Variants in MDGA2 observed in about 807,000 individuals in gnomAD.
The protein encoded by MDGA2 is MAM domain-containing glycosylphosphatidylinositol anchor protein 2.
A neutral mutation model predicts 117.8 loss-of-function variants in MDGA2; 40 were observed. That is an observed-to-expected ratio of 0.34 (90% CI 0.26 to 0.44). MDGA2 has a LOEUF of 0.44. MDGA2 is among the 20% of genes least tolerant of loss of function. The pLI is 1.00. For missense variants in MDGA2, 1,123 were observed against 1,250.6 expected, an observed-to-expected ratio of 0.90 and a Z score of 1.54; for synonymous variants, 452 against 439.0, an observed-to-expected ratio of 1.03 and a Z score of -0.37.
chr14:47,083,801 G>A (rs1439836651), intron 6 of MDGA2, among the ~76,000 whole-genome samples: 2 of 151,638 alleles, frequency 1.3e-5, no homozygotes, highest in Non-Finnish European at 2.9e-5. Flanking sequence ...TAGACTTTAG[G>A]GCAAAGAAAA....
At chr14:47,651,955 C>T (rs963937131) in intron 1 of MDGA2, among the ~76,000 whole-genome samples, 1 of 152,060 alleles carries the variant, frequency 6.6e-6, no homozygotes, top group African/African-American at 2.4e-5. Context: ...TTTGAGCACT[C>T]TAAGTAAAAA....
chr14:47,288,418 T>C (rs1243118305), intron 2 of MDGA2, among the ~76,000 whole-genome samples: 1 of 152,174 alleles, frequency 6.6e-6, no homozygotes, highest in Non-Finnish European at 1.5e-5. Flanking sequence ...CACGTCAATT[T>C]GATACCATAT....
intron 1 of MDGA2, among the ~76,000 whole-genome samples, chr14:47,401,048 T>C (rs1051571028): frequency 9.2e-5 from 14 of 151,626 alleles, no homozygotes; most frequent in South Asian, 2.1e-4. Context: ...TGAGCCACCG[T>C]GCCCGGCCGG....
intron 1 of MDGA2, among the ~76,000 whole-genome samples, chr14:47,353,518 A>G (rs907321031): frequency 6.6e-6 from 1 of 152,166 alleles, no homozygotes; most frequent in Admixed American, 6.5e-5. Context: ...AAATATAATC[A>G]CATTTCGAGA....
chr14:46,988,587 G>A (rs972477213), intron 8 of MDGA2, among the ~76,000 whole-genome samples: 7 of 152,044 alleles, frequency 4.6e-5, no homozygotes, highest in African/African-American at 1.7e-4. Context: ...ATGAGTGGCA[G>A]AAGGACTCAC....
At chr14:47,504,097 C>T (rs1349179997) in intron 1 of MDGA2, among the ~76,000 whole-genome samples, 7 of 151,958 alleles carry the variant, frequency 4.6e-5, no homozygotes, top group African/African-American at 1.4e-4. Context: ...TGTAATAAAA[C>T]GAATATATCT....
At chr14:47,191,975 G>A (rs892105321) in intron 3 of MDGA2, among the ~76,000 whole-genome samples, 2 of 152,140 alleles carry the variant, frequency 1.3e-5, no homozygotes, top group African/African-American at 4.8e-5. Flanking sequence ...CTGACTGCTT[G>A]CACCTTAGTG....
intron 1 of MDGA2, among the ~76,000 whole-genome samples, chr14:47,322,540 C>T (rs1890011397): frequency 6.6e-6 from 1 of 152,114 alleles, no homozygotes; most frequent in South Asian, 2.1e-4. Context: ...AAGAACAGAG[C>T]TCAATCAGAT....
rs147114881 is a variant in MDGA2, at chr14:46,960,222, A to G, written c.1820-2579T>C. On this transcript the variant is annotated intron_variant, in intron 8 of 16. Transcript: ENST00000399232. ...GGAAACAGAGCTGGACTCTGCCTCAAAAAAAAAATTATATTGTACATTATA... is the reference window on the plus strand; with the variant it reads ...GGAAACAGAGCTGGACTCTGCCTCAGAAAAAAAATTATATTGTACATTATA... 3.4e-3 allele frequency among the ~76,000 whole-genome samples: 519 copies of G among 151,600 alleles called. 4 individuals carry two copies. Among genetic ancestry groups the G allele is most frequent in the African/African-American group, 0.012 (488 of 41,338 alleles).
At chr14:47,079,935 G>C (rs1016797047) in intron 6 of MDGA2, among the ~76,000 whole-genome samples, 4 of 151,872 alleles carry the variant, frequency 2.6e-5, no homozygotes, top group African/African-American at 9.7e-5. Flanking sequence ...GTTTCACCGT[G>C]TTAGTCAGGA....
At chr14:47,331,404 C>G (rs1890288753) in intron 1 of MDGA2, among the ~76,000 whole-genome samples, 1 of 150,654 alleles carries the variant, frequency 6.6e-6, no homozygotes, top group Non-Finnish European at 1.5e-5. Context: ...TGTCATTATG[C>G]CAATAGGAAG....
At chr14:47,296,451 GA>G (rs1167498712) in intron 2 of MDGA2, among the ~76,000 whole-genome samples, 1 of 152,164 alleles carries the variant, frequency 6.6e-6, no homozygotes, top group African/African-American at 2.4e-5. Context: ...AAGTCTACAA[GA>G]AGATAAGCAG....
intron 1 of MDGA2, among the ~76,000 whole-genome samples, chr14:47,375,646 C>T (rs747614500): frequency 7.9e-5 from 12 of 152,034 alleles, no homozygotes; most frequent in African/African-American, 1.4e-4. Context: ...GTCCAATCCT[C>T]GCAACTATCC....
intron 5 of MDGA2, among the ~76,000 whole-genome samples, chr14:47,100,730 A>G (rs1390779393): frequency 6.6e-6 from 1 of 152,228 alleles, no homozygotes; most frequent in Non-Finnish European, 1.5e-5. Context: ...TGAAATACGT[A>G]AAGTAAAAAA....
intron 2 of MDGA2, among the ~76,000 whole-genome samples, chr14:47,246,359 T>TA (rs1363596341): frequency 2.0e-5 from 3 of 151,750 alleles, no homozygotes; most frequent in African/African-American, 4.8e-5. Flanking sequence ...CCAATATTGG[T>TA]AAAAAATAAG....
At chr14:47,301,292 C>CA in intron 2 of MDGA2, 119 bp downstream of exon 2, 1 of 1,000,952 alleles carries the variant, frequency 1.0e-6, no homozygotes, top group African/African-American at 2.7e-5. Flanking sequence ...CACCCACACC[C>CA]ACCCACACAC....
chr14:47,321,506 T>C (rs1206898717), intron 1 of MDGA2, among the ~76,000 whole-genome samples: 1 of 152,202 alleles, frequency 6.6e-6, no homozygotes, highest in Non-Finnish European at 1.5e-5. Context: ...CAACATTCAA[T>C]GCCAGTTGTC....
chr14:47,602,141 G>C (rs959493867), intron 1 of MDGA2, among the ~76,000 whole-genome samples: 1 of 152,114 alleles, frequency 6.6e-6, no homozygotes, highest in Non-Finnish European at 1.5e-5. Flanking sequence ...TTTTTTTAAA[G>C]TAAGTGACAC....
At chr14:47,556,283 A>T (rs549462170) in intron 1 of MDGA2, among the ~76,000 whole-genome samples, 2 of 152,266 alleles carry the variant, frequency 1.3e-5, no homozygotes, top group South Asian at 2.1e-4. Flanking sequence ...AATCTGATCT[A>T]TCCCAACTAT....
Sources: gnomAD v4.1 joint callset for allele counts (sites outside exome capture counted in the v4.1 genomes callset) on GRCh38, gnomAD v4.1.1 for gene constraint, MANE v1.5 for transcripts, NCBI Gene and HGNC (gene_info 2026-07-23, HGNC 2026-07-21) for gene names.